Variants in CAST observed in about 807,000 individuals in gnomAD.
The protein encoded by CAST is MIR583 host.
Under a neutral mutation model 119.6 loss-of-function variants are expected in CAST, and 76 were observed. The ratio of observed to expected loss-of-function variants is 0.64; its 90% CI spans 0.53 to 0.77. The LOEUF (loss-of-function observed/expected upper bound fraction) is 0.77, where lower values mean the gene tolerates loss of function less well. CAST is among the 30% of genes least tolerant of loss of function. CAST has a pLI of 0.00. For missense variants in CAST, 953 were observed against 946.5 expected (o/e 1.01, Z -0.09); for synonymous variants, 319 against 331.6 (o/e 0.96, Z 0.41).
the CAST span, among the ~76,000 whole-genome samples, chr5:96,230,459 C>G: frequency 6.6e-6 from 1 of 152,130 alleles, no homozygotes; most frequent in Non-Finnish European, 1.5e-5. Flanking sequence ...GAAACTTCCC[C>G]CTTGATAGCT....
At chr5:96,034,457 T>A in the CAST span, among the ~76,000 whole-genome samples, 1 of 60,490 alleles carries the variant, frequency 1.7e-5, no homozygotes, top group Non-Finnish European at 4.3e-5. Context: ...ACTGGGTATA[T>A]ATCATACACA....
intron 1 of CAST, chr5:96,663,180 G>A (rs1748816384): frequency 2.8e-6 from 2 of 702,728 alleles, no homozygotes; most frequent in Non-Finnish European, 5.2e-6. Flanking sequence ...AATAGGAGCG[G>A]TTGTGCCTGG....
chr5:95,971,187 T>G, the CAST span, among the ~76,000 whole-genome samples: 5 of 152,222 alleles, frequency 3.3e-5, no homozygotes, highest in Non-Finnish European at 7.4e-5. Context: ...CTTGGTATAT[T>G]GACTAAGTAT....
At chr5:96,709,856 G>A (rs1168268261) in intron 3 of CAST, among the ~76,000 whole-genome samples, 1 of 152,182 alleles carries the variant, frequency 6.6e-6, no homozygotes. Flanking sequence ...TGTATACTTG[G>A]TGTATAATGT....
intron 10 of CAST, among the ~76,000 whole-genome samples, chr5:96,737,586 T>C (rs920874278): frequency 6.6e-6 from 1 of 152,242 alleles, no homozygotes; most frequent in Non-Finnish European, 1.5e-5. Context: ...TGTACATTTG[T>C]TCATGTATGT....
chr5:96,534,647 C>A (rs561310432), intron 1 of CAST, among the ~76,000 whole-genome samples: 1 of 130,276 alleles, frequency 7.7e-6, no homozygotes, highest in Non-Finnish European at 1.6e-5. Flanking sequence ...CCAGCCTGGG[C>A]GGCAAAGTGA....
the CAST span, among the ~76,000 whole-genome samples, chr5:96,212,935 A>G: frequency 6.6e-6 from 1 of 152,106 alleles, no homozygotes; most frequent in African/African-American, 2.4e-5. Context: ...CTGGGCAACA[A>G]GGTAATATCC....
chr5:96,668,706 C>G (rs1219215032), intron 1 of CAST, among the ~76,000 whole-genome samples: 1 of 152,070 alleles, frequency 6.6e-6, no homozygotes, highest in Non-Finnish European at 1.5e-5. Flanking sequence ...CAAATCTAGG[C>G]TGTTTCTGCC....
intron 1 of CAST, among the ~76,000 whole-genome samples, chr5:96,674,477 T>C (rs534646293): frequency 2.6e-5 from 4 of 152,270 alleles, no homozygotes; most frequent in Admixed American, 2.6e-4. Flanking sequence ...TTTTTTCATA[T>C]TTGGCTCCCT....
chr5:96,619,065 A>G (rs1747534295), intron 1 of CAST, among the ~76,000 whole-genome samples: 1 of 151,978 alleles, frequency 6.6e-6, no homozygotes, highest in Admixed American at 6.6e-5. Flanking sequence ...TAAACGCATC[A>G]ATCAGTGCTC....
At chr5:96,669,181 T>C (rs980777577) in intron 1 of CAST, among the ~76,000 whole-genome samples, 1 of 152,242 alleles carries the variant, frequency 6.6e-6, no homozygotes, top group Admixed American at 6.5e-5. Flanking sequence ...AGGGAGACTG[T>C]TCTGAAGCAA....
At chr5:95,996,871 A>T in the CAST span, among the ~76,000 whole-genome samples, 1 of 152,018 alleles carries the variant, frequency 6.6e-6, no homozygotes, top group Non-Finnish European at 1.5e-5. Context: ...CACATTTTTC[A>T]TCCTTATTTC....
the CAST span, among the ~76,000 whole-genome samples, chr5:96,470,158 GA>G: frequency 6.7e-6 from 1 of 150,292 alleles, no homozygotes; most frequent in Non-Finnish European, 1.5e-5. Context: ...AGGTGAAAAC[GA>G]AAAAAACTAT....
the CAST span, among the ~76,000 whole-genome samples, chr5:96,207,835 C>T: frequency 6.6e-6 from 1 of 152,034 alleles, no homozygotes; most frequent in Non-Finnish European, 1.5e-5. Context: ...AGGAGTCCCT[C>T]CTTTTCAACT....
the CAST span, among the ~76,000 whole-genome samples, chr5:96,307,264 G>C: frequency 6.6e-6 from 1 of 152,108 alleles, no homozygotes; most frequent in Admixed American, 6.5e-5. Flanking sequence ...CAGAGACTAG[G>C]ATTGTGACCC....
chr5:96,557,866 C>T (rs549886064), intron 1 of CAST, among the ~76,000 whole-genome samples: 1 of 152,294 alleles, frequency 6.6e-6, no homozygotes, highest in Admixed American at 6.5e-5. Flanking sequence ...TAACAGAAAT[C>T]TACAGAACTC....
the CAST span, among the ~76,000 whole-genome samples, chr5:96,313,125 C>CA: frequency 6.6e-6 from 1 of 152,024 alleles, no homozygotes; most frequent in African/African-American, 2.4e-5. Context: ...CATAATCAAA[C>CA]AAAAAATCAA....
chr5:96,596,325 A>C (rs182360319), intron 1 of CAST, among the ~76,000 whole-genome samples: 1 of 152,282 alleles, frequency 6.6e-6, no homozygotes, highest in Non-Finnish European at 1.5e-5. Flanking sequence ...GAGAAGGAGG[A>C]AGTAACTACA....
chr5:96,174,203 C>A, the CAST span, among the ~76,000 whole-genome samples: 1 of 152,146 alleles, frequency 6.6e-6, no homozygotes, highest in Non-Finnish European at 1.5e-5. Context: ...TCCCAGGAGC[C>A]TCTTTGGGCT....
Sources: allele counts gnomAD v4.1 joint callset (sites outside exome capture counted in the v4.1 genomes callset), GRCh38; gene constraint gnomAD v4.1.1; transcripts MANE v1.5; gene names NCBI Gene and HGNC (gene_info 2026-07-23, HGNC 2026-07-21).